ATRNL1: variants seen among roughly 807,000 people sequenced by gnomAD.
ATRNL1 encodes attractin-like protein 1.
ATRNL1 carries 95 observed loss-of-function variants against 182.7 expected under a neutral mutation model. That is an observed-to-expected ratio of 0.52 (90% CI 0.44 to 0.62). The LOEUF is 0.62. Ranked by LOEUF, ATRNL1 falls within the 20% of genes least tolerant of loss-of-function variation. The pLI is 0.00. For missense variants in ATRNL1, 1,471 were observed against 1,679.5 expected (o/e 0.88, Z 2.17); for synonymous variants, 576 against 568.3 (o/e 1.01, Z -0.19).
At chr10:115,343,679 G>A (rs1855850276) in intron 19 of ATRNL1, among the ~76,000 whole-genome samples, 1 of 152,100 alleles carries the variant, frequency 6.6e-6, no homozygotes, top group South Asian at 2.1e-4. Flanking sequence ...GGATGGTGTT[G>A]ATGCTAATAG....
intron 8 of ATRNL1, among the ~76,000 whole-genome samples, chr10:115,189,186 G>T (rs781922060): frequency 6.6e-6 from 1 of 152,048 alleles, no homozygotes; most frequent in Non-Finnish European, 1.5e-5. Flanking sequence ...GGTGATGCTG[G>T]TGTAAACAAA....
At chr10:115,545,252 A>G (rs916937194) in intron 25 of ATRNL1, among the ~76,000 whole-genome samples, 18 of 151,154 alleles carry the variant, frequency 1.2e-4, no homozygotes, top group South Asian at 6.3e-4. Flanking sequence ...AAAAAAAAAA[A>G]AAAAAGAAAA....
intron 28 of ATRNL1, among the ~76,000 whole-genome samples, chr10:115,857,585 G>A (rs952076809): frequency 1.3e-5 from 2 of 152,166 alleles, no homozygotes; most frequent in East Asian, 3.8e-4. Context: ...TTACTGACCA[G>A]TGTCACTGTA....
chr10:115,133,346 A>T (rs1361926312), intron 5 of ATRNL1, among the ~76,000 whole-genome samples: 2 of 152,134 alleles, frequency 1.3e-5, no homozygotes, highest in African/African-American at 4.8e-5. Context: ...CTTGTAATAT[A>T]GTTTGAAGTC....
chr10:115,465,929 A>G (rs1283212399), intron 22 of ATRNL1, among the ~76,000 whole-genome samples: 1 of 151,626 alleles, frequency 6.6e-6, no homozygotes, highest in Non-Finnish European at 1.5e-5. Flanking sequence ...AACACTGTTA[A>G]GAGTTCTTCA....
chr10:115,187,857 T>C (rs1268632726), intron 8 of ATRNL1, among the ~76,000 whole-genome samples: 4 of 151,764 alleles, frequency 2.6e-5, no homozygotes, highest in Non-Finnish European at 4.4e-5. Flanking sequence ...AATTTTTTAA[T>C]TTTTAGTAGA....
intron 9 of ATRNL1, chr10:115,220,241 G>A (rs1554897137): frequency 6.6e-6 from 1 of 152,198 alleles, no homozygotes; most frequent in Non-Finnish European, 1.5e-5. Context: ...GTTTAGCAAT[G>A]CTGTTAGCTA....
At chr10:115,591,681 A>G (rs1443764314) in intron 26 of ATRNL1, among the ~76,000 whole-genome samples, 1 of 152,154 alleles carries the variant, frequency 6.6e-6, no homozygotes, top group Non-Finnish European at 1.5e-5. Flanking sequence ...TCTTCTACCT[A>G]TAACTTTGGT....
chr10:115,711,035 C>T (rs1231842623), intron 26 of ATRNL1, among the ~76,000 whole-genome samples: 1 of 152,010 alleles, frequency 6.6e-6, no homozygotes, highest in Non-Finnish European at 1.5e-5. Flanking sequence ...AATAGCATAG[C>T]TATTGTTGGT....
chr10:115,800,153 G>A lies in ATRNL1; in HGVS notation c.3904-47724G>A, dbSNP rs560893637. ...GAGAATCGCTTGAACCCCACGAGAT[G>A]GAGGTTGAAGTTGCCAAGATGGCTC... is the stretch of plus-strand genomic sequence containing the variant. On this transcript the variant is annotated intron_variant, in intron 27 of 28. Transcript: ENST00000355044. Among the ~76,000 whole-genome samples, 4 of 152,018 alleles carry A rather than the reference G, an allele frequency of 2.6e-5. No homozygotes were observed. The South Asian group carries it at 6.2e-4, about 24-fold the overall frequency.
intron 27 of ATRNL1, among the ~76,000 whole-genome samples, chr10:115,746,892 G>A (rs1016475016): frequency 1.3e-5 from 2 of 152,150 alleles, no homozygotes; most frequent in Admixed American, 6.6e-5. Flanking sequence ...TAACCTTGAC[G>A]CATTTCAGTT....
At position 115,403,257 on chromosome 10, in the gene ATRNL1, C is replaced by CATT. The variant is rs782077494; in HGVS notation, c.3269+8505_3269+8506insATT. Among the ~76,000 whole-genome samples the CATT allele has an allele frequency of 5.4e-3, 580 of 107,436 alleles. 8 individuals carry two copies. The highest frequency in any genetic ancestry group is 7.4e-3 in the Non-Finnish European group (432 of 58,508). The allele number at this position is 107,436 out of a possible 152,430, so 70.5% of individuals were successfully genotyped here. A position where few individuals can be genotyped will look rare whatever the true frequency, so the allele number is the denominator to read the frequency against. ...CTTTATTTTTCCTAATTACTCTCAT[C>CATT]TTTTTTTTTTTTTTTTTTTAGTCTG... On this transcript the variant is annotated intron_variant, in intron 20 of 28. Coordinates refer to ENST00000355044, the MANE Select transcript of ATRNL1 (RefSeq NM_207303.4).
chr10:115,402,160 AATTCAAT>A (rs1554957169), intron 20 of ATRNL1, among the ~76,000 whole-genome samples: 1 of 152,182 alleles, frequency 6.6e-6, no homozygotes, highest in East Asian at 1.9e-4. Context: ...AGTTGTAGAA[AATTCAAT>A]ATGTGTTATA....
chr10:115,258,407 C>A (rs1260414895), intron 10 of ATRNL1, among the ~76,000 whole-genome samples: 1 of 152,002 alleles, frequency 6.6e-6, no homozygotes, highest in Admixed American at 6.5e-5. Flanking sequence ...ATTGAATCAG[C>A]TATTGAAACT....
intron 24 of ATRNL1, among the ~76,000 whole-genome samples, chr10:115,499,862 G>T (rs1319937389): frequency 1.3e-5 from 2 of 152,126 alleles, no homozygotes; most frequent in African/African-American, 4.8e-5. Context: ...AGGCATCAAG[G>T]TTTATTTTCC....
chr10:115,790,566 G>A (rs782497366), intron 27 of ATRNL1, among the ~76,000 whole-genome samples: 1 of 151,786 alleles, frequency 6.6e-6, no homozygotes, highest in Non-Finnish European at 1.5e-5. Context: ...AAATTTGAGT[G>A]AGGGTAGAGA....
At chr10:115,358,026 A>C (rs112080261) in intron 19 of ATRNL1, among the ~76,000 whole-genome samples, 2 of 151,452 alleles carry the variant, frequency 1.3e-5, no homozygotes, top group Admixed American at 1.3e-4. Flanking sequence ...TGCACTATCT[A>C]TGATATTTAT....
At chr10:115,938,197 A>C (rs1953620495) in intron 28 of ATRNL1, among the ~76,000 whole-genome samples, 1 of 152,228 alleles carries the variant, frequency 6.6e-6, no homozygotes, top group South Asian at 2.1e-4. Context: ...GCATAATTGT[A>C]AAAAACACAC....
rs530158038 is a variant in ATRNL1 at position 115,617,883 on chromosome 10, G to GA, written c.3795+68351dup. Among the ~76,000 whole-genome samples the GA allele has an allele frequency of 1.2e-4, 19 of 152,288 alleles. No individual in the cohort carries two copies. In the East Asian group the frequency reaches 3.5e-3, roughly 28 times the overall value. ...TGTGTTCCTACCCAAAGCTCATCTT[G>GA]AAAACTACTTCCTAATGTTATAGGT... On this transcript the variant is annotated intron_variant, in intron 26 of 28. Transcript: ENST00000355044.
Sources: allele counts gnomAD v4.1 joint callset (sites outside exome capture counted in the v4.1 genomes callset), GRCh38; gene constraint gnomAD v4.1.1; transcripts MANE v1.5; gene names NCBI Gene and HGNC (gene_info 2026-07-23, HGNC 2026-07-21).